The following SUPT5H variants were observed in gnomAD, a reference collection of about 807,000 sequenced individuals.
SUPT5H encodes SPT5 homolog, DSIF elongation factor subunit.
A neutral mutation model predicts 142.5 loss-of-function variants in SUPT5H; 24 were observed. The observed-to-expected ratio is 0.17, with a 90% CI of 0.12 to 0.24. The LOEUF (loss-of-function observed/expected upper bound fraction) is 0.24, where lower values mean the gene tolerates loss of function less well. SUPT5H is among the 10% of genes least tolerant of loss of function. The pLI, the probability that SUPT5H is intolerant of heterozygous loss-of-function variation, is 1.00. For missense variants in SUPT5H, 893 were observed against 1,471.8 expected (o/e 0.61, Z 6.43); for synonymous variants, 546 against 553.0 (o/e 0.99, Z 0.18).
intron 10 of SUPT5H, among the ~76,000 whole-genome samples, chr19:39,460,957 A>G (rs1032170023): frequency 2.6e-5 from 4 of 152,028 alleles, no homozygotes; most frequent in East Asian, 1.9e-4. Context: ...AGGGTTTGCA[A>G]ACTATGCTTT....
intron 29 of SUPT5H, 24 bp downstream of exon 29, chr19:39,476,200 A>G (rs573827703): frequency 1.9e-6 from 3 of 1,613,992 alleles, no homozygotes; most frequent in Non-Finnish European, 2.5e-6. Context: ...GCAAGGAGAT[A>G]AGATGGGGCC....
intron 10 of SUPT5H, among the ~76,000 whole-genome samples, chr19:39,461,443 A>G (rs1475515600): frequency 6.6e-6 from 1 of 151,442 alleles, no homozygotes; most frequent in Non-Finnish European, 1.5e-5. Flanking sequence ...TGTCTGTAAT[A>G]CCAGTATTTT....
At chr19:39,468,129 G>A (rs1198843616) in intron 13 of SUPT5H, 1 of 152,722 alleles carries the variant, frequency 6.5e-6, no homozygotes, top group East Asian at 1.9e-4. Flanking sequence ...GGCACTAAGC[G>A]GCCGCCACTC....
In SUPT5H at chr19:39,464,729, A is replaced by G. The variant is rs1236643353; in HGVS notation, c.625-69A>G. On this transcript the variant is annotated intron_variant, in intron 10 of 29. Transcript: ENST00000432763. ...ATTCCTAGAAGAGGGACTGCTGATGAGTGGCAGTCATTTCTGTTATTAGCC... is the reference window on the plus strand; with the variant it reads ...ATTCCTAGAAGAGGGACTGCTGATGGGTGGCAGTCATTTCTGTTATTAGCC... 2.6e-6 allele frequency: 4 copies of G among 1,531,052 alleles called. No individual in the cohort carries two copies. In the Admixed American group the frequency reaches 6.0e-5, roughly 23 times the overall value. 94.8% of individuals were successfully genotyped at this position (1,531,052 alleles called of 1,614,324 possible). A position where few individuals can be genotyped will look rare whatever the true frequency, so the allele number is the denominator to read the frequency against.
At chr19:39,459,301 G>C in intron 8 of SUPT5H, 52 bp downstream of exon 8, 1 of 1,546,368 alleles carries the variant, frequency 6.5e-7, no homozygotes, top group South Asian at 1.2e-5. Flanking sequence ...TCTTGTATGG[G>C]GTGATGGTGC....
At chr19:39,446,034 G>A (rs1338931670) in intron 2 of SUPT5H, 69 bp downstream of exon 2, 4 of 1,535,184 alleles carry the variant, frequency 2.6e-6, no homozygotes, top group East Asian at 4.6e-5. Context: ...AGGCCCCTGT[G>A]GGAGGCTCGA....
Position 39,472,709 on chromosome 19 carries a change from C to T in SUPT5H, c.2036-101C>T. ...AGGGGTGGGCAGAGGAGGCTCTTAACCCAAGTAGGGAGGAGTCAAGCAAGT... is the reference window on the plus strand; with the variant it reads ...AGGGGTGGGCAGAGGAGGCTCTTAATCCAAGTAGGGAGGAGTCAAGCAAGT... On this transcript the variant is annotated intron_variant, in intron 21 of 29. Transcript: ENST00000432763. The surrounding 1 kb of genome is among the most constrained non-coding windows in gnomAD (Gnocchi z 4.2). 2 of 1,497,364 alleles carry T rather than the reference C, an allele frequency of 1.3e-6. No homozygotes were observed. Among genetic ancestry groups the T allele is most frequent in the African/African-American group, 1.4e-5 (1 of 72,248 alleles). The allele number at this position is 1,497,364 out of a possible 1,614,324, so 92.8% of individuals were successfully genotyped here.
Position 39,453,526 on chromosome 19 carries a change from G to A in SUPT5H, c.241+5G>A. 6.5e-7 allele frequency: 1 copy of A among 1,531,308 alleles called. No individual in the cohort carries two copies. The highest frequency in any genetic ancestry group is 8.8e-7 in the Non-Finnish European group (1 of 1,136,418). The allele number at this position is 1,531,308 out of a possible 1,614,324, so 94.9% of individuals were successfully genotyped here. Reference sequence around the variant, plus strand: ...GCTTCATTCTGGACGAGGCTGGTATGTCATAGTGCTTGGCCAGTGCCGAGC... The same window carrying A: ...GCTTCATTCTGGACGAGGCTGGTATATCATAGTGCTTGGCCAGTGCCGAGC... On this transcript the variant is annotated splice_donor_5th_base_variant and intron_variant, in intron 3 of 29. Transcript: ENST00000432763.
In SUPT5H at chr19:39,465,016, C is replaced by G. The variant is rs1341961548; in HGVS notation, c.843C>G (p.Leu281=). The change falls in exon 11 of 30, where the codon CTC becomes CTG. Residue 281 remains leucine (L), a synonymous_variant. Transcript: ENST00000432763. ...ANLKPKSWVR[L]KRGIYKDDIA... ...TGAAACCAAAGTCCTGGGTCCGCCTCAAGCGGGGCATCTACAAGGATGACA... is the reference window on the plus strand; with the variant it reads ...TGAAACCAAAGTCCTGGGTCCGCCTGAAGCGGGGCATCTACAAGGATGACA... The G allele has an allele frequency of 6.2e-7, 1 of 1,614,002 alleles. No individual in the cohort carries two copies. Among genetic ancestry groups the G allele is most frequent in the East Asian group, 2.2e-5 (1 of 44,902 alleles).
chr19:39,472,480 C>T lies in SUPT5H; in HGVS notation c.2022C>T (p.His674=). The T allele has an allele frequency of 1.2e-6, 2 of 1,613,962 alleles. No homozygotes were observed. Among genetic ancestry groups the T allele is most frequent in the African/African-American group, 1.3e-5 (1 of 75,028 alleles). The change falls in exon 21 of 30, where the codon CAC becomes CAT. Residue 674 remains histidine, a synonymous_variant. Transcript: ENST00000432763. This position sits in a 1 kb window ranked among gnomAD's most constrained non-coding sequence, Gnocchi z 4.2. ...GTCCCCGGATCAGCAGCCCCATGCA[C>T]CCCAGTGCTGGAGGTGAGAGGGGTT... ...PMSPRISSPM[H]PSAGGQRGGF...
intron 14 of SUPT5H, 49 bp downstream of exon 14, chr19:39,468,910 C>T: frequency 1.3e-6 from 2 of 1,582,764 alleles, no homozygotes; most frequent in South Asian, 1.1e-5. Context: ...TGAGTGTTCT[C>T]CTGCAGGTGA....
intron 10 of SUPT5H, chr19:39,460,264 G>A (rs1170848773): frequency 7.7e-6 from 3 of 391,476 alleles, no homozygotes; most frequent in Admixed American, 4.1e-5. Flanking sequence ...CACCAGCCCT[G>A]TTGGGCTGGG....
chr19:39,470,036 C>G lies in SUPT5H; in HGVS notation c.1375-83C>G. On this transcript the variant is annotated intron_variant, in intron 16 of 29. Coordinates refer to ENST00000432763, the MANE Select transcript of SUPT5H (RefSeq NM_001111020.3). The surrounding 1 kb of genome is among the most constrained non-coding windows in gnomAD (Gnocchi z 5.8). ...CTGAAGTGGGGTTTTTGAGAACATG[C>G]GTAGATTCTGAAGACAGGAGGGGCA... The G allele has an allele frequency of 2.0e-6, 3 of 1,533,238 alleles. No homozygotes were observed. The highest frequency in any genetic ancestry group is 2.7e-6 in the Non-Finnish European group (3 of 1,126,514). 95.0% of individuals were successfully genotyped at this position (1,533,238 alleles called of 1,614,324 possible).
chr19:39,473,440 C>T lies in SUPT5H; in HGVS notation c.2411C>T (p.Ser804Leu). The T allele has an allele frequency of 1.2e-6, 2 of 1,613,476 alleles. No individual in the cohort carries two copies. The highest frequency in any genetic ancestry group is 1.7e-6 in the Non-Finnish European group (2 of 1,179,946). The change falls in exon 25 of 30, where the codon TCA (serine) becomes TTA (leucine). Residue 804 changes from serine to leucine, a missense_variant. By Grantham distance (145) the Ser-to-Leu change is moderately radical. Transcript: ENST00000432763. This position sits in a 1 kb window ranked among gnomAD's most constrained non-coding sequence, Gnocchi z 5.8. ...GGTAGCCGCACCCCACACTACGGCT[C>T]ACAGACGCCCCTGCATGATGGCAGC... ...QDGSRTPHYG[S>L]QTPLHDGSRT...
intron 13 of SUPT5H, chr19:39,468,239 C>G (rs1344587279): frequency 1.3e-5 from 2 of 158,412 alleles, no homozygotes; most frequent in East Asian, 1.8e-4. Flanking sequence ...GTGATGTGAC[C>G]TTCCTGAGCC....
At position 39,474,330 on chromosome 19, in the gene SUPT5H, A is replaced by C. The variant is rs1396449821; in HGVS notation, c.2748A>C (p.Pro916=). The change falls in exon 27 of 30, where the codon CCA becomes CCC. Residue 916 remains proline (P), a synonymous_variant. Coordinates refer to ENST00000432763, the MANE Select transcript of SUPT5H (RefSeq NM_001111020.3). This position sits in a 1 kb window ranked among gnomAD's most constrained non-coding sequence, Gnocchi z 6.5. ...CCCAGAGCTACCACCAGGTGGCGCC[A>C]AGCCCAGCAGGCTACCAGAATACCC... ...PSPQSYHQVA[P]SPAGYQNTHS... 1 of 1,613,938 alleles carries C rather than the reference A, an allele frequency of 6.2e-7. No individual in the cohort carries two copies.
rs1275162414 is a variant in SUPT5H, at chr19:39,473,190, T to C, written c.2259-13T>C. 1 of 1,611,562 alleles carries C rather than the reference T, an allele frequency of 6.2e-7. No homozygotes were observed. On this transcript the variant is annotated splice_polypyrimidine_tract_variant and intron_variant, in intron 23 of 29. Transcript: ENST00000432763. The surrounding 1 kb of genome is among the most constrained non-coding windows in gnomAD (Gnocchi z 5.8). ...AGGGGTCTGCTCACCCCATTTGTTC[T>C]CTGCGTCCCCAGGGGCTCACGGCGC... is the stretch of plus-strand genomic sequence containing the variant.
chr19:39,469,473 G>A lies in SUPT5H; in HGVS notation c.1374+75G>A. On this transcript the variant is annotated intron_variant, in intron 16 of 29. Coordinates refer to ENST00000432763, the MANE Select transcript of SUPT5H (RefSeq NM_001111020.3). The surrounding 1 kb of genome is among the most constrained non-coding windows in gnomAD (Gnocchi z 5.1). ...GACTGTATGTGGCTGTCGAGGCGGTGGTGTGCCTGGTGACACCTGGTTTCC... is the reference window on the plus strand; with the variant it reads ...GACTGTATGTGGCTGTCGAGGCGGTAGTGTGCCTGGTGACACCTGGTTTCC... 1 of 1,594,376 alleles carries A rather than the reference G, an allele frequency of 6.3e-7. No individual in the cohort carries two copies. The highest frequency in any genetic ancestry group is 8.6e-7 in the Non-Finnish European group (1 of 1,167,044).
At chr19:39,454,436 C>T (rs1600699914) in intron 3 of SUPT5H, among the ~76,000 whole-genome samples, 1 of 148,132 alleles carries the variant, frequency 6.8e-6, no homozygotes, top group Non-Finnish European at 1.5e-5. Flanking sequence ...CCTCTCCCTC[C>T]TGGGTTCAAC....
Sources: gnomAD v4.1 joint callset for allele counts (sites outside exome capture counted in the v4.1 genomes callset) on GRCh38, gnomAD v4.1.1 for gene constraint, Gnocchi (gnomAD v3.1) non-coding constraint, MANE v1.5 for transcripts, NCBI Gene and HGNC (gene_info 2026-07-23, HGNC 2026-07-21) for gene names.